Variants in ZMYM4 observed in about 807,000 individuals in gnomAD.
The protein encoded by ZMYM4 is zinc finger MYM-type containing 4.
A neutral mutation model predicts 183.2 loss-of-function variants in ZMYM4; 31 were observed. The ratio of observed to expected loss-of-function variants is 0.17; its 90% confidence interval spans 0.13 to 0.23. The LOEUF is 0.23. Ranked by LOEUF, ZMYM4 falls within the 10% of genes least tolerant of loss-of-function variation. The probability of loss-of-function intolerance (pLI) is 1.00; values close to 1 mark genes in which losing one functional copy is unlikely to be tolerated. For synonymous variants in ZMYM4, 592 were observed against 631.2 expected (o/e 0.94, Z 0.93); for missense variants, 1,273 against 1,840.3 (o/e 0.69, Z 5.64).
At chr1:35,369,912 A>G (rs1644167024) in intron 5 of ZMYM4, 117 bp from the exon 6 acceptor site, 1 of 599,056 alleles carries the variant, frequency 1.7e-6, no homozygotes, top group Admixed American at 3.4e-5. Context: ...ATTTCTTACT[A>G]ATGTTTTAAA....
intron 23 of ZMYM4, among the ~76,000 whole-genome samples, chr1:35,403,870 A>G (rs562955618): frequency 1.3e-5 from 2 of 152,156 alleles, no homozygotes; most frequent in South Asian, 2.1e-4. Context: ...TTCTATGGCT[A>G]TTTAGGTTAT....
At chr1:35,358,362 C>T (rs892600363) in intron 2 of ZMYM4, among the ~76,000 whole-genome samples, 4 of 151,962 alleles carry the variant, frequency 2.6e-5, no homozygotes, top group African/African-American at 4.8e-5. Context: ...TATTAACTGC[C>T]GTCAGTGTTT....
chr1:35,307,247 C>T (rs1641572824), intron 1 of ZMYM4, among the ~76,000 whole-genome samples: 1 of 152,014 alleles, frequency 6.6e-6, no homozygotes, highest in Admixed American at 6.6e-5. Flanking sequence ...CATAAAAGTC[C>T]ACATTAGAGT....
In ZMYM4 at chr1:35,301,669, C is replaced by T. The variant is rs114601981; in HGVS notation, c.40-23691C>T. 6.5e-3 allele frequency among the ~76,000 whole-genome samples: 983 copies of T among 152,194 alleles called. 5 individuals are homozygous for T. The highest frequency in any genetic ancestry group is 9.9e-3 in the Non-Finnish European group (676 of 68,000). ...TTTCTGGTGACTGTTTCACTGGCCT[C>T]CATGGTTTCTTCTCTTACTTGTGCA... On this transcript the variant is annotated intron_variant, in intron 1 of 29. Transcript: ENST00000314607.
chr1:35,389,830 CTA>C lies in ZMYM4; in HGVS notation c.2437-117_2437-116del, dbSNP rs1290240862. ...GTGTATAATCATTGATAAAGACAAACTAATTTTTTGATCTAAATTCTAAGTTA... is the reference window on the plus strand; with the variant it reads ...GTGTATAATCATTGATAAAGACAAACATTTTTTGATCTAAATTCTAAGTTA... On this transcript the variant is annotated intron_variant, in intron 14 of 29. Transcript: ENST00000314607. The surrounding 1 kb of genome is among the most constrained non-coding windows in gnomAD (Gnocchi z 4.0). The C allele has an allele frequency of 2.8e-5, 24 of 850,578 alleles. No homozygotes were observed. The highest frequency in any genetic ancestry group is 4.0e-5 in the Non-Finnish European group (23 of 575,682). The allele number at this position is 850,578 out of a possible 1,614,324, so 52.7% of individuals were successfully genotyped here.
intron 1 of ZMYM4, among the ~76,000 whole-genome samples, chr1:35,283,936 C>T (rs566918184): frequency 2.0e-5 from 3 of 151,518 alleles, no homozygotes; most frequent in Admixed American, 6.6e-5. Context: ...TTCACCCTCA[C>T]GATAGTGGCC....
Position 35,385,428 on chromosome 1 carries a change from T to C in ZMYM4, c.1570-14T>C, listed in dbSNP as rs759067804. Reference sequence around the variant, plus strand: ...AATTTGTTAAAAATGAATGTTGTTTTATTCTCTTAATAGAAATCAGCCAAA... The same window carrying C: ...AATTTGTTAAAAATGAATGTTGTTTCATTCTCTTAATAGAAATCAGCCAAA... On this transcript the variant is annotated splice_polypyrimidine_tract_variant and intron_variant, in intron 9 of 29. Transcript: ENST00000314607. The C allele has an allele frequency of 5.6e-6, 9 of 1,600,616 alleles. No homozygotes were observed. Among genetic ancestry groups the C allele is most frequent in the African/African-American group, 1.4e-5 (1 of 74,054 alleles).
chr1:35,401,610 T>A (rs1232531089), intron 23 of ZMYM4, among the ~76,000 whole-genome samples: 2 of 152,184 alleles, frequency 1.3e-5, no homozygotes, highest in African/African-American at 4.8e-5. Flanking sequence ...CAGATTTTGA[T>A]TTTGAGGAAG....
In ZMYM4 at chr1:35,370,545, A is replaced by G; in HGVS notation, c.1099A>G (p.Thr367Ala). 6.2e-7 allele frequency: 1 copy of G among 1,613,568 alleles called. No individual in the cohort carries two copies. Among genetic ancestry groups the G allele is most frequent in the African/African-American group, 1.3e-5 (1 of 74,926 alleles). ...RKGSTQLFCS[T>A]LCLTGYTVPP... ...AGGGTCTACTCAGCTATTCTGCTCCACACTGTGCCTCACTGGATATACAGT... is the reference window on the plus strand; with the variant it reads ...AGGGTCTACTCAGCTATTCTGCTCCGCACTGTGCCTCACTGGATATACAGT... The change falls in exon 7 of 30, where the codon ACA becomes GCA. Residue 367 changes from threonine (T) to alanine (A), a missense_variant. Around this residue, in one of 6 missense-constraint regions of ZMYM4, gnomAD observed 384 missense variants for 465.6 expected, o/e 0.82. Transcript: ENST00000314607.
At chr1:35,293,798 C>G (rs1479760328) in intron 1 of ZMYM4, among the ~76,000 whole-genome samples, 2 of 151,980 alleles carry the variant, frequency 1.3e-5, no homozygotes, top group Non-Finnish European at 2.9e-5. Flanking sequence ...GAGGTCGATG[C>G]TAGGAAGTGG....
chr1:35,283,469 C>G (rs919140864), intron 1 of ZMYM4, among the ~76,000 whole-genome samples: 2 of 150,992 alleles, frequency 1.3e-5, no homozygotes, highest in African/African-American at 2.4e-5. Flanking sequence ...TCCCGAATAC[C>G]TGGGACTACA....
intron 1 of ZMYM4, chr1:35,292,131 G>A (rs1235097089): frequency 6.6e-6 from 1 of 152,228 alleles, no homozygotes; most frequent in African/African-American, 2.4e-5. Flanking sequence ...TCAGCAGATA[G>A]ATAGCATCAG....
chr1:35,343,689 A>G (rs576693363), intron 2 of ZMYM4, among the ~76,000 whole-genome samples: 1 of 152,198 alleles, frequency 6.6e-6, no homozygotes, highest in Admixed American at 6.5e-5. Context: ...ACATGGTGAA[A>G]CCCCATCTCT....
chr1:35,393,770 A>AT (rs779959277), intron 18 of ZMYM4, 31 bp downstream of exon 18: 22 of 1,556,266 alleles, frequency 1.4e-5, no homozygotes, highest in Middle Eastern at 3.4e-4. Flanking sequence ...TTCTTTATTA[A>AT]TTTTTTAAGG....
chr1:35,351,326 A>G (rs879094203), intron 2 of ZMYM4: 11 of 1,572,376 alleles, frequency 7.0e-6, no homozygotes, highest in East Asian at 2.2e-5. Context: ...TGGGCCAGAA[A>G]GTTGCAGATT....
At chr1:35,413,609 T>C (rs1208787581) in intron 26 of ZMYM4, among the ~76,000 whole-genome samples, 2 of 151,854 alleles carry the variant, frequency 1.3e-5, no homozygotes, top group Non-Finnish European at 2.9e-5. Flanking sequence ...CAGATACACA[T>C]TATGAATCAG....
chr1:35,364,714 A>G (rs1487195645), intron 5 of ZMYM4, among the ~76,000 whole-genome samples: 1 of 152,208 alleles, frequency 6.6e-6, no homozygotes, highest in South Asian at 2.1e-4. Flanking sequence ...CAATAAAATC[A>G]TAGCTTTAGT....
intron 1 of ZMYM4, among the ~76,000 whole-genome samples, chr1:35,284,837 C>T (rs1341109197): frequency 2.0e-5 from 3 of 152,084 alleles, no homozygotes; most frequent in African/African-American, 4.8e-5. Context: ...CTTAGAAGGG[C>T]ATTAATCACA....
intron 2 of ZMYM4, among the ~76,000 whole-genome samples, chr1:35,357,666 A>G (rs1202082135): frequency 4.6e-5 from 7 of 152,188 alleles, no homozygotes; most frequent in African/African-American, 1.7e-4. Context: ...TCTGTTAACC[A>G]TCTGAGGGAA....
Sources: allele counts gnomAD v4.1 joint callset (sites outside exome capture counted in the v4.1 genomes callset), GRCh38; gene constraint gnomAD v4.1.1; regional missense constraint gnomAD v4.1.1; non-coding constraint Gnocchi (gnomAD v3.1); transcripts MANE v1.5; gene names NCBI Gene and HGNC (gene_info 2026-07-23, HGNC 2026-07-21).